Variants in ZNF7 observed in about 807,000 individuals in gnomAD.
ZNF7 encodes zinc finger protein 7, also known as C2-H2 type zinc finger protein.
A neutral mutation model predicts 12.0 loss-of-function variants in ZNF7; 10 were observed. The observed-to-expected ratio is 0.83, with a 90% CI of 0.51 to 1.42. The LOEUF is 1.42. Among genes scored for constraint, ZNF7 ranks in the 40% most tolerant of loss-of-function variants. The pLI is 0.00. For missense variants in ZNF7, 854 were observed against 837.2 expected, an observed-to-expected ratio of 1.02 and a Z score of -0.25; for synonymous variants, 334 against 295.0, an observed-to-expected ratio of 1.13 and a Z score of -1.35.
intron 4 of ZNF7, among the ~76,000 whole-genome samples, chr8:144,840,223 C>A (rs1261586499): frequency 6.6e-6 from 1 of 152,200 alleles, no homozygotes; most frequent in Non-Finnish European, 1.5e-5. Context: ...GAGGACCAGG[C>A]CTGGAGATGC....
downstream of ZNF7, among the ~76,000 whole-genome samples, chr8:144,843,989 G>T (rs560949556): frequency 1.3e-5 from 2 of 152,140 alleles, no homozygotes; most frequent in Non-Finnish European, 2.9e-5. Context: ...GAGGCAGGCT[G>T]GGCTAGCAGG....
In ZNF7 at chr8:144,841,679, C is replaced by A; in HGVS notation, c.572C>A (p.Ala191Glu). ...CQPLESQGES[A>E]EGMSQRCEEC... is the part of the protein sequence containing the mutation. ...CCTCTTGAAAGTCAGGGAGAGAGTG[C>A]GGAAGGGATGTCCCAGAGATGCGAG... is the stretch of plus-strand genomic sequence containing the variant. Residue 191 changes from alanine to glutamate, a missense_variant, in exon 5 of 5, where the codon GCG (alanine) becomes GAG (glutamate). Ala to Glu is a moderately radical substitution (Grantham distance 107). Coordinates refer to ENST00000532777, the MANE Select transcript of ZNF7 (RefSeq NM_003416.4). 1 of 1,614,000 alleles carries A rather than the reference C, an allele frequency of 6.2e-7. No homozygotes were observed. Among genetic ancestry groups the A allele is most frequent in the Admixed American group, 1.7e-5 (1 of 60,006 alleles).
chr8:144,830,810 C>G, intron 3 of ZNF7: 1 of 383,328 alleles, frequency 2.6e-6, no homozygotes, highest in Middle Eastern at 5.6e-4. Context: ...CTTGGCTCAC[C>G]GCCACCTCCG....
In ZNF7 at chr8:144,838,047, C is replaced by G. The variant is rs1380859552; in HGVS notation, c.247+540C>G. 4.3e-6 allele frequency: 3 copies of G among 693,088 alleles called. No homozygotes were observed. The African/African-American group carries it at 6.1e-5, about 14-fold the overall frequency. The allele number at this position is 693,088 out of a possible 1,614,324, so 42.9% of individuals were successfully genotyped here. A position where few individuals can be genotyped will look rare whatever the true frequency, so the allele number is the denominator to read the frequency against. ...AATCTGAAACCGGGGGGTCAGCAAG[C>G]AGGGCCGTGCCCCCCTGTGAAGGCT... On this transcript the variant is annotated intron_variant, in intron 4 of 4. Transcript: ENST00000532777.
At chr8:144,830,237 T>C (rs2130542183) in intron 3 of ZNF7, among the ~76,000 whole-genome samples, 1 of 152,352 alleles carries the variant, frequency 6.6e-6, no homozygotes, top group Admixed American at 6.5e-5. Flanking sequence ...GGAGTGGAAC[T>C]GACGCGGGCA....
rs910545587 is a variant in ZNF7 at position 144,841,268 on chromosome 8, G to C, written c.248-87G>C. 5.8e-6 allele frequency: 8 copies of C among 1,373,534 alleles called. No individual in the cohort carries two copies. In the African/African-American group the frequency reaches 1.0e-4, roughly 17 times the overall value. The allele number at this position is 1,373,534 out of a possible 1,614,324, so 85.1% of individuals were successfully genotyped here. On this transcript the variant is annotated intron_variant, in intron 4 of 4. Coordinates refer to ENST00000532777, the MANE Select transcript of ZNF7 (RefSeq NM_003416.4). ...AGTGCTCAGTGCAACTATCCTGGGA[G>C]CCTTGAGCCCTGGCCCCCGCATTTG...
At chr8:144,838,634 CAAAGTTGTGA>C (rs2130644430) in intron 4 of ZNF7, 1 of 154,036 alleles carries the variant, frequency 6.5e-6, no homozygotes, top group East Asian at 1.9e-4. Context: ...TTGGACAGTC[CAAAGTTGTGA>C]AAAGTAGGGG....
downstream of ZNF7, among the ~76,000 whole-genome samples, chr8:144,844,724 A>C (rs1465488115): frequency 3.3e-5 from 2 of 60,824 alleles, no homozygotes; most frequent in Non-Finnish European, 7.3e-5. Flanking sequence ...AAAAAAAAAA[A>C]AAAAAAAAAA....
At position 144,843,206 on chromosome 8, in the gene ZNF7, C is replaced by T. The variant is rs753125048; in HGVS notation, c.*38C>T. ...TAAATGTGTATATATGTGAATAAAC[C>T]TATAGCCTTAACTTACTTATTTTAT... On this transcript the variant is annotated 3_prime_UTR_variant, in exon 5 of 5. Transcript: ENST00000532777. 2.1e-5 allele frequency: 32 copies of T among 1,522,566 alleles called. 1 individual carries two copies. In the South Asian group the frequency reaches 4.3e-4, roughly 20 times the overall value. 94.3% of individuals were successfully genotyped at this position (1,522,566 alleles called of 1,614,324 possible). A position where few individuals can be genotyped will look rare whatever the true frequency, so the allele number is the denominator to read the frequency against.
chr8:144,846,200 C>A (rs1341164559), downstream of ZNF7: 4 of 1,533,602 alleles, frequency 2.6e-6, no homozygotes, highest in South Asian at 3.6e-5. Context: ...TCTGTGCTAA[C>A]CATAATGCTG....
chr8:144,842,180 G>A lies in ZNF7; in HGVS notation c.1073G>A (p.Gly358Glu). 4.3e-6 allele frequency: 7 copies of A among 1,614,160 alleles called. No individual in the cohort carries two copies. The highest frequency in any genetic ancestry group is 1.1e-5 in the South Asian group (1 of 91,088). ...QLVRHQRTHT[G>E]ERPYPCKECG... The stretch of plus-strand genomic sequence containing the variant: ...GTTAGACACCAGAGAACTCACACTG[G>A]GGAGAGGCCCTACCCTTGCAAGGAG... Residue 358 changes from glycine (G) to glutamate (E), a missense_variant, in exon 5 of 5, where the codon GGG becomes GAG. Gly to Glu is a moderately conservative substitution (Grantham distance 98). Coordinates refer to ENST00000532777, the MANE Select transcript of ZNF7 (RefSeq NM_003416.4).
At chr8:144,838,380 G>A in intron 4 of ZNF7, 3 of 489,948 alleles carry the variant, frequency 6.1e-6, no homozygotes, top group Non-Finnish European at 1.1e-5. Context: ...GCCCTAACCA[G>A]GGCACCCACT....
rs996128343 is a variant in ZNF7, at chr8:144,829,026, T to A, written c.-45-17T>A. On this transcript the variant is annotated splice_polypyrimidine_tract_variant and intron_variant, in intron 1 of 4. Coordinates refer to ENST00000532777, the MANE Select transcript of ZNF7 (RefSeq NM_003416.4). ...TTCTGGCACCTTGACCTCTAATCCTTTCATAATTGCCAACAGGTCTCTCGG... is the reference window on the plus strand; with the variant it reads ...TTCTGGCACCTTGACCTCTAATCCTATCATAATTGCCAACAGGTCTCTCGG... 1.2e-6 allele frequency: 2 copies of A among 1,612,500 alleles called. No individual in the cohort carries two copies. The highest frequency in any genetic ancestry group is 2.7e-5 in the African/African-American group (2 of 74,892).
chr8:144,830,448 T>A (rs1249257184), intron 3 of ZNF7, among the ~76,000 whole-genome samples: 2 of 152,232 alleles, frequency 1.3e-5, no homozygotes, highest in East Asian at 3.8e-4. Context: ...GCCAGGTTCT[T>A]CTGTGAAATA....
chr8:144,843,118 T>G lies in ZNF7; in HGVS notation c.2011T>G (p.Phe671Val). 6.2e-7 allele frequency: 1 copy of G among 1,610,482 alleles called. No homozygotes were observed. The highest frequency in any genetic ancestry group is 8.5e-7 in the Non-Finnish European group (1 of 1,178,618). Residue 671 changes from phenylalanine (F) to valine (V), a missense_variant, in exon 5 of 5, where the codon TTT (phenylalanine) becomes GTT (valine). By Grantham distance (50) the Phe-to-Val change is conservative. Coordinates refer to ENST00000532777, the MANE Select transcript of ZNF7 (RefSeq NM_003416.4). ...TAAATGCAATGACTGTGGCAAAGCT[T>G]TTAATCGTAGCTCAAGGCTTACCCA... The part of the protein sequence containing the change: ...PYKCNDCGKA[F>V]NRSSRLTQHQ...
chr8:144,842,359 T>C lies in ZNF7; in HGVS notation c.1252T>C (p.Cys418Arg), dbSNP rs775541945. ...AVEKPFKCDE[C>R]GKAFRWISRL... is the part of the protein sequence containing the mutation. ...AGAGAAACCATTTAAGTGTGATGAG[T>C]GTGGGAAAGCTTTTAGGTGGATCTC... The change falls in exon 5 of 5, where the codon TGT (cysteine) becomes CGT (arginine). Residue 418 changes from cysteine (C) to arginine (R), a missense_variant. Transcript: ENST00000532777. 1 of 1,613,976 alleles carries C rather than the reference T, an allele frequency of 6.2e-7. No homozygotes were observed. Among genetic ancestry groups the C allele is most frequent in the Non-Finnish European group, 8.5e-7 (1 of 1,180,044 alleles).
downstream of ZNF7, among the ~76,000 whole-genome samples, chr8:144,844,937 T>G (rs1830430661): frequency 6.8e-6 from 1 of 146,842 alleles, no homozygotes; most frequent in Non-Finnish European, 1.5e-5. Flanking sequence ...GGAGAGGAAG[T>G]GGGGAAAAAC....
downstream of ZNF7, chr8:144,846,041 C>T (rs1830495908): frequency 2.0e-6 from 3 of 1,536,700 alleles, no homozygotes; most frequent in Non-Finnish European, 2.6e-6. Flanking sequence ...GCCTGCAACT[C>T]CTGTTCCTGG....
chr8:144,845,769 C>G (rs1287730909), downstream of ZNF7, among the ~76,000 whole-genome samples: 1 of 152,208 alleles, frequency 6.6e-6, no homozygotes, highest in East Asian at 1.9e-4. Flanking sequence ...GTGCTCTCCA[C>G]AGCCATGGAG....
Sources: gnomAD v4.1 joint callset for allele counts (sites outside exome capture counted in the v4.1 genomes callset) on GRCh38, gnomAD v4.1.1 for gene constraint, MANE v1.5 for transcripts, NCBI Gene and HGNC (gene_info 2026-07-23, HGNC 2026-07-21) for gene names.